DNAJC7: variants seen among roughly 807,000 people sequenced by gnomAD.
DNAJC7 encodes the protein dnaJ homolog subfamily C member 7.
A neutral mutation model predicts 67.4 loss-of-function variants in DNAJC7; 18 were observed. That is an observed-to-expected ratio of 0.27 (90% confidence interval 0.18 to 0.40). The LOEUF is 0.40. Among genes scored for constraint, DNAJC7 ranks in the 10% least tolerant of loss-of-function variants. DNAJC7 has a pLI of 1.00. For synonymous variants in DNAJC7, 220 were observed against 207.8 expected (o/e 1.06, Z -0.50); for missense variants, 419 against 613.8 (o/e 0.68, Z 3.35).
intron 6 of DNAJC7, among the ~76,000 whole-genome samples, 166 bp downstream of exon 6, chr17:41,990,098 C>T (rs1490392679): frequency 2.0e-5 from 3 of 152,218 alleles, no homozygotes; most frequent in Non-Finnish European, 4.4e-5. Context: ...CTCCTGTATA[C>T]CCTACGGGTT....
At chr17:41,988,923 G>A (rs781853742) in intron 7 of DNAJC7, 27 bp from the exon 8 acceptor site, 14 of 1,610,804 alleles carry the variant, frequency 8.7e-6, no homozygotes, top group Admixed American at 8.4e-5. Flanking sequence ...GGGGAGGATC[G>A]GTTCATATCC....
At chr17:42,008,358 A>G (rs1413252792) in intron 1 of DNAJC7, among the ~76,000 whole-genome samples, 1 of 151,894 alleles carries the variant, frequency 6.6e-6, no homozygotes, top group African/African-American at 2.4e-5. Flanking sequence ...AAATGTCAAT[A>G]TAAGTTTCAC....
At chr17:41,984,209 A>G (rs2051318000) in intron 9 of DNAJC7, 1 of 152,048 alleles carries the variant, frequency 6.6e-6, no homozygotes, top group African/African-American at 2.4e-5. Flanking sequence ...CTCTAAACAC[A>G]GGTTTGCTTC....
chr17:41,995,911 T>TCCC (rs1237930754), intron 4 of DNAJC7, among the ~76,000 whole-genome samples: 1 of 152,342 alleles, frequency 6.6e-6, no homozygotes, highest in Admixed American at 6.5e-5. Context: ...CAAGCAATCC[T>TCCC]CCCACCTGAG....
chr17:41,991,592 G>A (rs1317841986), intron 5 of DNAJC7, among the ~76,000 whole-genome samples: 3 of 152,160 alleles, frequency 2.0e-5, no homozygotes, highest in Non-Finnish European at 2.9e-5. Flanking sequence ...TAAGAACAGT[G>A]GTTAGCTTAG....
intron 1 of DNAJC7, among the ~76,000 whole-genome samples, chr17:42,003,089 T>G (rs1370204518): frequency 1.3e-5 from 2 of 152,136 alleles, no homozygotes; most frequent in African/African-American, 2.4e-5. Flanking sequence ...ACAAGAAGAA[T>G]TGTGTTGTGA....
intron 1 of DNAJC7, among the ~76,000 whole-genome samples, chr17:42,001,801 C>T (rs925979467): frequency 5.9e-5 from 9 of 152,134 alleles, no homozygotes; most frequent in African/African-American, 1.4e-4. Flanking sequence ...CTGGTAAAGT[C>T]GCCCTCCTTT....
At chr17:42,007,592 C>T (rs1267252807) in intron 1 of DNAJC7, among the ~76,000 whole-genome samples, 1 of 151,314 alleles carries the variant, frequency 6.6e-6, no homozygotes. Flanking sequence ...GGTGAGATCT[C>T]GGCTCACTGC....
At chr17:41,997,315 G>A (rs1201493286) in intron 2 of DNAJC7, 76 bp from the exon 3 acceptor site, 12 of 1,531,358 alleles carry the variant, frequency 7.8e-6, no homozygotes, top group African/African-American at 2.7e-5. Context: ...GGGGCTGGGC[G>A]CAGTGGCTCA....
At chr17:42,001,964 C>G (rs2051819415) in intron 1 of DNAJC7, among the ~76,000 whole-genome samples, 1 of 152,172 alleles carries the variant, frequency 6.6e-6, no homozygotes, top group African/African-American at 2.4e-5. Flanking sequence ...GCTTGAGTAA[C>G]TGTCTATACC....
chr17:41,994,989 G>C, intron 4 of DNAJC7, 45 bp from the exon 5 acceptor site: 1 of 1,548,382 alleles, frequency 6.5e-7, no homozygotes, highest in Non-Finnish European at 8.9e-7. Flanking sequence ...TGAAGCTGTA[G>C]ATTAAACAAC....
chr17:42,007,467 G>A (rs2051996846), intron 1 of DNAJC7, among the ~76,000 whole-genome samples: 1 of 152,112 alleles, frequency 6.6e-6, no homozygotes, highest in African/African-American at 2.4e-5. Flanking sequence ...AGGAGCCCAG[G>A]AGCCTAACTT....
chr17:42,003,868 T>TG, intron 1 of DNAJC7, among the ~76,000 whole-genome samples: 2 of 151,716 alleles, frequency 1.3e-5, no homozygotes, highest in African/African-American at 4.8e-5. Flanking sequence ...TGGCCATAAC[T>TG]GACCTGATGG....
rs782611767 is a variant in DNAJC7, at chr17:42,017,405, G to T, written c.12C>A (p.Ala4=). 3 of 1,608,472 alleles carry T rather than the reference G, an allele frequency of 1.9e-6. No individual in the cohort carries two copies. Among genetic ancestry groups the T allele is most frequent in the South Asian group, 1.1e-5 (1 of 91,086 alleles). MAA[A]AECDVVMAAT... ...CCGCCATTACCACATCGCACTCCGC[G>T]GCAGCCGCCATCTTACCGCCGGGAC... is the stretch of plus-strand genomic sequence containing the variant. Residue 4 remains alanine, a synonymous_variant, in exon 1 of 14, where the codon GCC becomes GCA. Transcript: ENST00000457167.
At chr17:41,977,440 C>G in intron 12 of DNAJC7, 117 bp from the exon 13 acceptor site, 1 of 905,302 alleles carries the variant, frequency 1.1e-6, no homozygotes, top group South Asian at 1.6e-5. Flanking sequence ...AGTCTCACTC[C>G]CCTCCTTTCC....
chr17:41,994,820 G>T, intron 5 of DNAJC7, 50 bp downstream of exon 5: 1 of 1,527,862 alleles, frequency 6.5e-7, no homozygotes, highest in Non-Finnish European at 9.1e-7. Context: ...CACACGAATG[G>T]GAATTTTGCG....
At chr17:41,976,916 T>A in intron 13 of DNAJC7, 146 bp from the exon 14 acceptor site, 1 of 1,025,974 alleles carries the variant, frequency 9.7e-7, no homozygotes, top group African/African-American at 1.6e-5. Context: ...CAGGCTGTTT[T>A]TGGGTGCAAG....
intron 6 of DNAJC7, 117 bp downstream of exon 6, chr17:41,990,147 G>A: frequency 1.1e-6 from 1 of 940,632 alleles, no homozygotes; most frequent in African/African-American, 1.6e-5. Flanking sequence ...AGTCCCAAGA[G>A]GGTCTGATCA....
intron 12 of DNAJC7, among the ~76,000 whole-genome samples, chr17:41,979,657 T>TAAAAAAAAAA (rs71155200): frequency 2.1e-5 from 1 of 47,836 alleles, no homozygotes; most frequent in Non-Finnish European, 3.5e-5. Flanking sequence ...GGCTCAGTCT[T>TAAAAAAAAAA]AAAAAAAAAA....
Sources: allele counts gnomAD v4.1 joint callset (sites outside exome capture counted in the v4.1 genomes callset), GRCh38; gene constraint gnomAD v4.1.1; transcripts MANE v1.5; gene names NCBI Gene and HGNC (gene_info 2026-07-23, HGNC 2026-07-21).